Variants in ACBD5 observed in about 807,000 individuals in gnomAD.
The protein encoded by ACBD5 is acyl-CoA-binding domain-containing protein 5.
Under a neutral mutation model 71.8 loss-of-function variants are expected in ACBD5, and 40 were observed. That is an observed-to-expected ratio of 0.56 (90% CI 0.43 to 0.72). The LOEUF is 0.72. ACBD5 is among the 30% of genes least tolerant of loss of function. The probability of loss-of-function intolerance (pLI) is 0.00; values close to 1 mark genes in which losing one functional copy is unlikely to be tolerated. For missense variants in ACBD5, 559 were observed against 644.5 expected (o/e 0.87, Z 1.44); for synonymous variants, 229 against 218.6 (o/e 1.05, Z -0.42).
rs531382006 is a variant in ACBD5, at chr10:27,188,429, TTGA to T, written c.1494-5717_1494-5715del. Reference sequence around the variant, plus strand: ...GCCTCTGGCAGGTTAAACTGAGCTATTGATGACTCACTGTATAGTGGGGATTAA... The same window carrying T: ...GCCTCTGGCAGGTTAAACTGAGCTATTGACTCACTGTATAGTGGGGATTAA... On this transcript the variant is annotated intron_variant, in intron 13 of 13. Coordinates refer to the ACBD5 transcript ENST00000676511. Among the ~76,000 whole-genome samples the T allele has an allele frequency of 1.4e-4, 21 of 152,328 alleles. No individual in the cohort carries two copies. In the South Asian group the frequency reaches 4.3e-3, roughly 32 times the overall value.
intron 13 of ACBD5, among the ~76,000 whole-genome samples, chr10:27,188,938 C>T (rs1307392815): frequency 6.6e-6 from 1 of 152,174 alleles, no homozygotes; most frequent in Admixed American, 6.6e-5. Flanking sequence ...CCTAAAATGC[C>T]TCTTTGACAT....
chr10:27,200,700 C>T (rs961685630), intron 12 of ACBD5, among the ~76,000 whole-genome samples: 21 of 152,126 alleles, frequency 1.4e-4, no homozygotes, highest in African/African-American at 1.9e-4. Flanking sequence ...CTCAGGTGAC[C>T]GGCTCACCTC....
chr10:27,198,283 A>G (rs2059562275), intron 12 of ACBD5, among the ~76,000 whole-genome samples: 1 of 152,168 alleles, frequency 6.6e-6, no homozygotes, highest in African/African-American at 2.4e-5. Flanking sequence ...AAACTTGGAT[A>G]TATATAATAT....
At position 27,210,693 on chromosome 10, in the gene ACBD5, G is replaced by A; in HGVS notation, c.1204+121C>T. The A allele has an allele frequency of 4.6e-6, 6 of 1,315,680 alleles. No homozygotes were observed. In the South Asian group the frequency reaches 7.5e-5, roughly 16 times the overall value. 81.5% of individuals were successfully genotyped at this position (1,315,680 alleles called of 1,614,324 possible). Reference sequence around the variant, plus strand: ...GAATCACTTGAACCCGGGAGGCAGAGGTTGCAGTGAGCCGAGATTGCACCA... The same window carrying A: ...GAATCACTTGAACCCGGGAGGCAGAAGTTGCAGTGAGCCGAGATTGCACCA... On this transcript the variant is annotated intron_variant, in intron 9 of 12. Transcript: ENST00000396271.
chr10:27,200,163 C>T (rs962655378), intron 12 of ACBD5, among the ~76,000 whole-genome samples: 11 of 151,962 alleles, frequency 7.2e-5, no homozygotes, highest in African/African-American at 2.4e-4. Flanking sequence ...GATAGGAGGT[C>T]GGCACAAGAT....
chr10:27,223,051 A>G (rs1414755265), intron 5 of ACBD5, among the ~76,000 whole-genome samples: 1 of 152,230 alleles, frequency 6.6e-6, no homozygotes, highest in Non-Finnish European at 1.5e-5. Flanking sequence ...AAGGGTTAAA[A>G]TTTTAAGGGT....
In ACBD5 at chr10:27,240,764, G is replaced by A; in HGVS notation, c.-76C>T. ...CTCCCACCCTGGGGACCCTGGCGGA[G>A]CAGCCACACCCCCCATTCCGCCGGA... On this transcript the variant is annotated 5_prime_UTR_variant, in exon 1 of 13. Transcript: ENST00000396271. The surrounding 1 kb of genome is among the most constrained non-coding windows in gnomAD (Gnocchi z 4.1). 1 of 1,545,250 alleles carries A rather than the reference G, an allele frequency of 6.5e-7. No homozygotes were observed. Among genetic ancestry groups the A allele is most frequent in the Non-Finnish European group, 8.8e-7 (1 of 1,142,686 alleles).
intron 5 of ACBD5, among the ~76,000 whole-genome samples, chr10:27,220,091 G>T (rs573830035): frequency 3.3e-4 from 50 of 152,192 alleles, no homozygotes; most frequent in African/African-American, 1.2e-3. Context: ...ATCAGGCAGA[G>T]GGTAAATTAT....
chr10:27,231,966 G>T, intron 3 of ACBD5, 146 bp from the exon 4 acceptor site: 2 of 750,256 alleles, frequency 2.7e-6, no homozygotes, highest in East Asian at 5.3e-5. Context: ...GTGCTACCAT[G>T]AAGAAAATTA....
intron 10 of ACBD5, among the ~76,000 whole-genome samples, chr10:27,206,169 T>A (rs371909159): frequency 2.0e-5 from 3 of 152,264 alleles, no homozygotes; most frequent in South Asian, 2.1e-4. Flanking sequence ...CCCAAAGTGC[T>A]GAGATTATAG....
chr10:27,225,764 C>G (rs2062934360), intron 4 of ACBD5, among the ~76,000 whole-genome samples: 1 of 151,858 alleles, frequency 6.6e-6, no homozygotes, highest in Non-Finnish European at 1.5e-5. Flanking sequence ...AGAAATAATT[C>G]AAACATAAAT....
intron 13 of ACBD5, among the ~76,000 whole-genome samples, chr10:27,185,096 A>T (rs1185130473): frequency 6.6e-6 from 1 of 152,216 alleles, no homozygotes; most frequent in African/African-American, 2.4e-5. Flanking sequence ...ATCAGTATCT[A>T]TTCTTGAAGT....
intron 12 of ACBD5, among the ~76,000 whole-genome samples, chr10:27,201,667 G>A (rs1300589059): frequency 6.6e-6 from 1 of 151,984 alleles, no homozygotes; most frequent in Admixed American, 6.6e-5. Context: ...GCTGGGCGTG[G>A]TGGCACATGC....
intron 2 of ACBD5, 58 bp from the exon 3 acceptor site, chr10:27,235,270 T>C (rs765867898): frequency 1.3e-5 from 21 of 1,591,782 alleles, no homozygotes; most frequent in Non-Finnish European, 1.8e-5. Context: ...ATAATCAGGT[T>C]ATAAATTAGC....
intron 4 of ACBD5, among the ~76,000 whole-genome samples, chr10:27,228,823 T>A (rs1223303650): frequency 0.029 from 343 of 11,682 alleles, no homozygotes; most frequent in Non-Finnish European, 0.078. Flanking sequence ...ATATTTTTTT[T>A]TTTTTTTTTT....
In ACBD5 at chr10:27,196,520, T is replaced by C. The variant is rs1247802670; in HGVS notation, c.*910A>G. The C allele has an allele frequency of 2.2e-6, 1 of 451,928 alleles. No homozygotes were observed. The highest frequency in any genetic ancestry group is 7.0e-5 in the East Asian group (1 of 14,284). The allele number at this position is 451,928 out of a possible 1,614,324, so 28.0% of individuals were successfully genotyped here. A position where few individuals can be genotyped will look rare whatever the true frequency, so the allele number is the denominator to read the frequency against. ...TAAGAGGTTAAGAGTCCAGTCTATA[T>C]AGTTCATCAGTTGCAGAAAAGTGAT... On this transcript the variant is annotated 3_prime_UTR_variant, in exon 13 of 13. Coordinates refer to ENST00000396271, the MANE Select transcript of ACBD5 (RefSeq NM_145698.5).
intron 12 of ACBD5, among the ~76,000 whole-genome samples, chr10:27,199,653 G>T (rs2059710606): frequency 6.6e-6 from 1 of 152,044 alleles, no homozygotes; most frequent in South Asian, 2.1e-4. Flanking sequence ...TCTGCCCTAG[G>T]CTCCATTTGG....
intron 10 of ACBD5, among the ~76,000 whole-genome samples, chr10:27,206,831 A>T (rs1008349009): frequency 6.6e-6 from 1 of 151,816 alleles, no homozygotes. Flanking sequence ...GCACTATTTT[A>T]AACTCTTTCC....
At chr10:27,188,891 C>T (rs929656235) in intron 13 of ACBD5, among the ~76,000 whole-genome samples, 13 of 152,142 alleles carry the variant, frequency 8.5e-5, no homozygotes, top group African/African-American at 1.9e-4. Flanking sequence ...TAGAAATCCA[C>T]TCATCTTTTG....
Sources: gnomAD v4.1 joint callset for allele counts (sites outside exome capture counted in the v4.1 genomes callset) on GRCh38, gnomAD v4.1.1 for gene constraint, Gnocchi (gnomAD v3.1) non-coding constraint, MANE v1.5 for transcripts, NCBI Gene and HGNC (gene_info 2026-07-23, HGNC 2026-07-21) for gene names.